Variants in CAST observed in about 807,000 individuals in gnomAD.
CAST encodes MIR583 host.
A neutral mutation model predicts 119.6 loss-of-function variants in CAST; 76 were observed. The observed-to-expected ratio is 0.64, with a 90% CI of 0.53 to 0.77. The LOEUF is 0.77. CAST is among the 30% of genes least tolerant of loss of function. CAST has a pLI of 0.00. For synonymous variants in CAST, 319 were observed against 331.6 expected, an observed-to-expected ratio of 0.96 and a Z score of 0.41; for missense variants, 953 against 946.5, an observed-to-expected ratio of 1.01 and a Z score of -0.09.
At chr5:96,738,008 A>G in intron 11 of CAST, 61 bp downstream of exon 11, 1 of 952,546 alleles carries the variant, frequency 1.0e-6, no homozygotes, top group Non-Finnish European at 1.7e-6. Flanking sequence ...AAATAAGGCC[A>G]TGGTCATGAA....
chr5:96,607,630 C>T (rs1189793110), intron 1 of CAST, among the ~76,000 whole-genome samples: 1 of 152,150 alleles, frequency 6.6e-6, no homozygotes, highest in Admixed American at 6.5e-5. Flanking sequence ...TTGTGCTTTT[C>T]GAGGGTGTCC....
At chr5:96,607,038 C>G (rs1348458271) in intron 1 of CAST, among the ~76,000 whole-genome samples, 1 of 152,158 alleles carries the variant, frequency 6.6e-6, no homozygotes, top group Admixed American at 6.5e-5. Flanking sequence ...CCTGTAATCC[C>G]AGCACTTTGG....
chr5:96,772,806 G>C lies in CAST; in HGVS notation c.*190G>C, dbSNP rs904828344. 6.5e-6 allele frequency: 1 copy of C among 152,806 alleles called. No homozygotes were observed. The highest frequency in any genetic ancestry group is 2.4e-5 in the African/African-American group (1 of 41,418). The allele number at this position is 152,806 out of a possible 1,614,324, so 9.5% of individuals were successfully genotyped here. Reference sequence around the variant, plus strand: ...TCTTTTCCAGAAAGAAAATGAATTTGACTGGTTCACCTGTGTACTGAGTAT... The same window carrying C: ...TCTTTTCCAGAAAGAAAATGAATTTCACTGGTTCACCTGTGTACTGAGTAT... On this transcript the variant is annotated 3_prime_UTR_variant, in exon 32 of 32. Coordinates refer to ENST00000675179, the MANE Select transcript of CAST (RefSeq NM_001750.7).
At chr5:96,676,678 C>G (rs139392872) in intron 2 of CAST, among the ~76,000 whole-genome samples, 6 of 151,944 alleles carry the variant, frequency 3.9e-5, no homozygotes, top group African/African-American at 1.4e-4. Context: ...AAGATTTCAT[C>G]CTGTTTCCTG....
At chr5:96,605,302 C>T (rs1200983147) in intron 1 of CAST, among the ~76,000 whole-genome samples, 1 of 152,192 alleles carries the variant, frequency 6.6e-6, no homozygotes, top group Non-Finnish European at 1.5e-5. Context: ...CTGTATACTG[C>T]CTGCTAAGCT....
the CAST span, among the ~76,000 whole-genome samples, chr5:96,226,571 C>G: frequency 2.6e-5 from 4 of 152,088 alleles, no homozygotes; most frequent in South Asian, 6.2e-4. Flanking sequence ...GTGGGAGGAT[C>G]GGTCAAGCCT....
At chr5:96,291,840 CTGCGTGTG>C in the CAST span, among the ~76,000 whole-genome samples, 12 of 82,654 alleles carry the variant, frequency 1.5e-4, no homozygotes, top group African/African-American at 4.9e-4. Flanking sequence ...GATTCCCAGT[CTGCGTGTG>C]TGTGTGTGTG....
At chr5:96,189,868 A>C in the CAST span, among the ~76,000 whole-genome samples, 1 of 152,118 alleles carries the variant, frequency 6.6e-6, no homozygotes, top group Non-Finnish European at 1.5e-5. Context: ...CGAATTGTTT[A>C]GTTTAAGTTT....
chr5:96,288,708 G>A, the CAST span, among the ~76,000 whole-genome samples: 2 of 152,034 alleles, frequency 1.3e-5, no homozygotes, highest in Non-Finnish European at 2.9e-5. Flanking sequence ...AAGTCATCAG[G>A]CAAAATTTTT....
intron 2 of CAST, among the ~76,000 whole-genome samples, chr5:96,688,717 G>A (rs1253749247): frequency 6.6e-6 from 1 of 152,074 alleles, no homozygotes; most frequent in Non-Finnish European, 1.5e-5. Flanking sequence ...TGTCTTGGAT[G>A]ACAGGATTTT....
intron 9 of CAST, among the ~76,000 whole-genome samples, chr5:96,735,006 G>A (rs1203726151): frequency 6.6e-6 from 1 of 151,984 alleles, no homozygotes; most frequent in Non-Finnish European, 1.5e-5. Context: ...GAGGAAGGTG[G>A]GGGAGAGAAC....
intron 20 of CAST, among the ~76,000 whole-genome samples, chr5:96,752,632 C>T (rs1401083794): frequency 7.7e-6 from 1 of 129,762 alleles, no homozygotes; most frequent in Non-Finnish European, 1.5e-5. Flanking sequence ...AGTATTCAGC[C>T]ACTAGGTGGT....
chr5:96,283,300 A>G, the CAST span, among the ~76,000 whole-genome samples: 5 of 152,112 alleles, frequency 3.3e-5, no homozygotes, highest in South Asian at 8.3e-4. Flanking sequence ...TATGTAGGCT[A>G]ATTGGTCTTC....
chr5:96,213,016 G>A, the CAST span, among the ~76,000 whole-genome samples: 9 of 152,206 alleles, frequency 5.9e-5, no homozygotes, highest in East Asian at 5.8e-4. Flanking sequence ...CTACTCCAGC[G>A]GCTGAGGCAG....
the CAST span, among the ~76,000 whole-genome samples, chr5:96,041,763 G>C: frequency 2.0e-5 from 3 of 152,120 alleles, no homozygotes; most frequent in Non-Finnish European, 4.4e-5. Flanking sequence ...TTTGAGGGCA[G>C]GTTGTGAATA....
At chr5:96,446,384 C>CTCTGTAATTTTGGGGCTTTTT in the CAST span, among the ~76,000 whole-genome samples, 4 of 152,044 alleles carry the variant, frequency 2.6e-5, no homozygotes, top group Non-Finnish European at 5.9e-5. Flanking sequence ...CCAATTGTGT[C>CTCTGTAATTTTGGGGCTTTTT]TCTGTAATTT....
At chr5:96,238,920 G>T in the CAST span, among the ~76,000 whole-genome samples, 1 of 152,018 alleles carries the variant, frequency 6.6e-6, no homozygotes, top group Non-Finnish European at 1.5e-5. Context: ...TATTTCTTTT[G>T]TGTGGGTTTC....
intron 1 of CAST, among the ~76,000 whole-genome samples, chr5:96,557,212 C>T (rs1746259982): frequency 6.6e-6 from 1 of 152,098 alleles, no homozygotes; most frequent in South Asian, 2.1e-4. Context: ...GAAGGAAGCA[C>T]TAAACATGGA....
the CAST span, among the ~76,000 whole-genome samples, chr5:96,399,671 TG>T: frequency 8.5e-5 from 13 of 152,190 alleles, no homozygotes; most frequent in African/African-American, 3.1e-4. Flanking sequence ...TTAAAACTGA[TG>T]GGTGGTTGAT....
Sources: gnomAD v4.1 joint callset for allele counts (sites outside exome capture counted in the v4.1 genomes callset) on GRCh38, gnomAD v4.1.1 for gene constraint, MANE v1.5 for transcripts, NCBI Gene and HGNC (gene_info 2026-07-23, HGNC 2026-07-21) for gene names.